FSIP1: variants seen among roughly 807,000 people sequenced by gnomAD.
FSIP1 encodes the protein fibrous sheath-interacting protein 1.
Under a neutral mutation model 60.9 loss-of-function variants are expected in FSIP1, and 65 were observed. The ratio of observed to expected loss-of-function variants is 1.07; its 90% CI spans 0.87 to 1.31. The LOEUF is 1.31. Among genes scored for constraint, FSIP1 ranks in the 40% most tolerant of loss-of-function variants. The pLI, the probability that FSIP1 is intolerant of heterozygous loss-of-function variation, is 0.00. For missense variants in FSIP1, 675 were observed against 665.5 expected (o/e 1.01, Z -0.16); for synonymous variants, 209 against 221.2 (o/e 0.94, Z 0.49).
At chr15:39,682,833 T>C (rs928394741) in intron 10 of FSIP1, among the ~76,000 whole-genome samples, 6 of 152,218 alleles carry the variant, frequency 3.9e-5, no homozygotes, top group Non-Finnish European at 8.8e-5. Context: ...AGCATTTAAA[T>C]TTTAATACTC....
intron 5 of FSIP1, among the ~76,000 whole-genome samples, chr15:39,756,967 G>A (rs753081744): frequency 6.6e-6 from 1 of 151,988 alleles, no homozygotes; most frequent in African/African-American, 2.4e-5. Flanking sequence ...GAAATACAAT[G>A]TGAACTCTAT....
At chr15:39,629,296 C>T (rs1443984645) in intron 10 of FSIP1, among the ~76,000 whole-genome samples, 1 of 152,146 alleles carries the variant, frequency 6.6e-6, no homozygotes, top group Non-Finnish European at 1.5e-5. Context: ...TCTATCATCG[C>T]CCTCGGAAGG....
intron 10 of FSIP1, among the ~76,000 whole-genome samples, chr15:39,698,889 A>G (rs1894937772): frequency 6.6e-6 from 1 of 152,234 alleles, no homozygotes; most frequent in Admixed American, 6.5e-5. Flanking sequence ...AAACCCAATG[A>G]CCTGCCTGGC....
chr15:39,664,886 T>C (rs1285896139), intron 10 of FSIP1, among the ~76,000 whole-genome samples: 2 of 152,166 alleles, frequency 1.3e-5, no homozygotes, highest in Non-Finnish European at 2.9e-5. Context: ...TCTCTAACTG[T>C]AAAAATACTA....
intron 11 of FSIP1, among the ~76,000 whole-genome samples, chr15:39,609,986 T>A (rs1307147449): frequency 6.6e-6 from 1 of 152,226 alleles, no homozygotes; most frequent in African/African-American, 2.4e-5. Flanking sequence ...AGTGAAGGTC[T>A]ACCACTGTGA....
intron 10 of FSIP1, among the ~76,000 whole-genome samples, chr15:39,622,375 T>C (rs1444432085): frequency 1.3e-5 from 2 of 152,200 alleles, no homozygotes; most frequent in South Asian, 4.1e-4. Flanking sequence ...TAGTAGCTCT[T>C]TTATGAATCT....
intron 10 of FSIP1, among the ~76,000 whole-genome samples, chr15:39,631,448 GCAGA>G (rs1891885343): frequency 6.6e-6 from 1 of 152,154 alleles, no homozygotes; most frequent in South Asian, 2.1e-4. Context: ...CCCAGCAAGG[GCAGA>G]CAGACAGACA....
Position 39,776,469 on chromosome 15 carries a change from C to G in FSIP1, c.56G>C (p.Arg19Thr), listed in dbSNP as rs1898068177. The change falls in exon 2 of 12, where the codon AGA becomes ACA. Residue 19 changes from arginine (R) to threonine (T), a missense_variant. Coordinates refer to ENST00000350221, the MANE Select transcript of FSIP1 (RefSeq NM_152597.5). ...DGISKPASNSRIRPGSRSSNA... is the reference protein window; with the variant it reads ...DGISKPASNSTIRPGSRSSNA... ...TGAACTTCTGCTCCCAGGGCGTATT[C>G]TTGAATTTGAAGCTGGTTTTGAAAT... 4 of 1,612,658 alleles carry G rather than the reference C, an allele frequency of 2.5e-6. No individual in the cohort carries two copies. Among genetic ancestry groups the G allele is most frequent in the Non-Finnish European group, 3.4e-6 (4 of 1,179,120 alleles).
chr15:39,744,518 G>A (rs1390716670), intron 5 of FSIP1, among the ~76,000 whole-genome samples: 4 of 152,064 alleles, frequency 2.6e-5, no homozygotes, highest in Admixed American at 6.5e-5. Flanking sequence ...GCTGCTCCCC[G>A]GCACAGCCCC....
chr15:39,638,675 C>A (rs1023694418), intron 10 of FSIP1, among the ~76,000 whole-genome samples: 4 of 151,916 alleles, frequency 2.6e-5, no homozygotes, highest in African/African-American at 4.8e-5. Context: ...AATAACTTAA[C>A]AAAATGTGCT....
At chr15:39,628,315 G>C (rs546083643) in intron 10 of FSIP1, among the ~76,000 whole-genome samples, 1 of 152,140 alleles carries the variant, frequency 6.6e-6, no homozygotes, top group East Asian at 1.9e-4. Flanking sequence ...TTGGAGTGTC[G>C]AGATAAACAG....
At chr15:39,771,410 C>T (rs1418482021) in intron 2 of FSIP1, among the ~76,000 whole-genome samples, 1 of 152,214 alleles carries the variant, frequency 6.6e-6, no homozygotes, top group Non-Finnish European at 1.5e-5. Context: ...GTTTTCTCTG[C>T]ACCACATGTT....
intron 6 of FSIP1, among the ~76,000 whole-genome samples, chr15:39,740,754 A>G (rs1294088752): frequency 6.6e-6 from 1 of 152,224 alleles, no homozygotes; most frequent in Non-Finnish European, 1.5e-5. Context: ...CAATACAGAT[A>G]TAACCATTTA....
chr15:39,698,095 G>A (rs546942705), intron 10 of FSIP1, among the ~76,000 whole-genome samples: 1 of 151,266 alleles, frequency 6.6e-6, no homozygotes, highest in South Asian at 2.1e-4. Flanking sequence ...ATGGGGCAAT[G>A]GAGACCTTGA....
chr15:39,744,690 C>T (rs1466999221), intron 5 of FSIP1, among the ~76,000 whole-genome samples: 2 of 138,490 alleles, frequency 1.4e-5, no homozygotes, highest in Non-Finnish European at 3.4e-5. Context: ...CAAGCAAAGG[C>T]AGTGTGGCAT....
rs562364309 is a variant in FSIP1, at chr15:39,723,291, C to A, written c.1050+3298G>T. Among the ~76,000 whole-genome samples, 13 of 152,256 alleles carry A rather than the reference C, an allele frequency of 8.5e-5. No individual in the cohort carries two copies. The South Asian group carries it at 2.5e-3, about 29-fold the overall frequency. On this transcript the variant is annotated intron_variant, in intron 9 of 11. Transcript: ENST00000350221. The stretch of plus-strand genomic sequence containing the variant: ...TCCTCCAGGCTGGAGTACAGTGGCG[C>A]GATCTTGGCTCACTGCAAGCTCTGC...
intron 11 of FSIP1, among the ~76,000 whole-genome samples, chr15:39,602,005 T>G (rs569726865): frequency 6.6e-6 from 1 of 152,276 alleles, no homozygotes; most frequent in Admixed American, 6.5e-5. Context: ...TACAAACAAT[T>G]GAATTGCACA....
At chr15:39,637,716 C>T (rs61130460) in intron 10 of FSIP1, among the ~76,000 whole-genome samples, 27,568 of 152,000 alleles carry the variant, frequency 0.18, 3,042 homozygotes, top group East Asian at 0.32. Flanking sequence ...TGATGAGAGG[C>T]AAGCTCTGAA....
intron 5 of FSIP1, among the ~76,000 whole-genome samples, chr15:39,742,549 G>A (rs568823450): frequency 6.6e-6 from 1 of 152,300 alleles, no homozygotes; most frequent in South Asian, 2.1e-4. Context: ...TTAAAAGTGT[G>A]TCTCTGTACC....
Sources: allele counts gnomAD v4.1 joint callset (sites outside exome capture counted in the v4.1 genomes callset), GRCh38; gene constraint gnomAD v4.1.1; transcripts MANE v1.5; gene names NCBI Gene and HGNC (gene_info 2026-07-23, HGNC 2026-07-21).